STK32B: variants seen among roughly 807,000 people sequenced by gnomAD.
STK32B encodes the protein serine/threonine-protein kinase 32B.
A neutral mutation model predicts 52.6 loss-of-function variants in STK32B; 43 were observed. That is an observed-to-expected ratio of 0.82 (90% CI 0.64 to 1.05). The LOEUF (loss-of-function observed/expected upper bound fraction) is 1.05, where lower values mean the gene tolerates loss of function less well. STK32B is among the 50% of genes least tolerant of loss of function. STK32B has a pLI of 0.00. For missense variants in STK32B, 621 were observed against 534.6 expected, an observed-to-expected ratio of 1.16 and a Z score of -1.59; for synonymous variants, 238 against 204.3, an observed-to-expected ratio of 1.17 and a Z score of -1.41.
At chr4:5,240,340 C>A (rs149242692) in intron 3 of STK32B, among the ~76,000 whole-genome samples, 6 of 152,066 alleles carry the variant, frequency 3.9e-5, no homozygotes, top group African/African-American at 1.4e-4. Flanking sequence ...GGATACAACT[C>A]CTAAGTATTA....
chr4:5,383,724 C>T (rs1236712470), intron 4 of STK32B, among the ~76,000 whole-genome samples: 1 of 152,152 alleles, frequency 6.6e-6, no homozygotes, highest in Non-Finnish European at 1.5e-5. Flanking sequence ...GGTGATGAGG[C>T]ATCAGCAGGG....
chr4:5,342,523 T>G (rs1431762390), intron 4 of STK32B, among the ~76,000 whole-genome samples: 2 of 151,704 alleles, frequency 1.3e-5, no homozygotes, highest in Non-Finnish European at 3.0e-5. Context: ...CCATACACTT[T>G]TAAACAAGCA....
the STK32B span, among the ~76,000 whole-genome samples, chr4:5,039,861 A>G: frequency 3.3e-5 from 5 of 152,218 alleles, no homozygotes; most frequent in Non-Finnish European, 7.4e-5. Context: ...CCAAAATGTC[A>G]TGATGCTGCA....
chr4:5,127,232 A>C (rs1715460581), intron 1 of STK32B: 2 of 453,418 alleles, frequency 4.4e-6, no homozygotes, highest in Non-Finnish European at 8.9e-6. Context: ...CAGAAAATTT[A>C]AATGTCCTCG....
intron 3 of STK32B, among the ~76,000 whole-genome samples, chr4:5,190,076 C>T (rs1721059597): frequency 6.6e-6 from 1 of 152,170 alleles, no homozygotes; most frequent in Non-Finnish European, 1.5e-5. Flanking sequence ...CACCGACCCA[C>T]ACTGAACTGG....
At chr4:5,094,125 G>T (rs1276578788) in intron 1 of STK32B, among the ~76,000 whole-genome samples, 1 of 152,082 alleles carries the variant, frequency 6.6e-6, no homozygotes, top group Non-Finnish European at 1.5e-5. Flanking sequence ...TGTTATATGG[G>T]TGCAGGATTG....
chr4:5,126,218 TC>T (rs1451142271), intron 1 of STK32B, among the ~76,000 whole-genome samples: 1 of 152,230 alleles, frequency 6.6e-6, no homozygotes, highest in African/African-American at 2.4e-5. Context: ...GTTTTAGTTC[TC>T]CTGTAGCTAA....
chr4:5,264,638 A>AT (rs139688575), intron 3 of STK32B, among the ~76,000 whole-genome samples: 25,147 of 151,626 alleles, frequency 0.17, 4,058 homozygotes, highest in African/African-American at 0.42. Context: ...TAAAAAAAAA[A>AT]TAGCCGGGCA....
At chr4:5,288,091 A>C (rs530346411) in intron 3 of STK32B, among the ~76,000 whole-genome samples, 4 of 152,186 alleles carry the variant, frequency 2.6e-5, no homozygotes, top group African/African-American at 9.7e-5. Context: ...CAGTACTTCA[A>C]TTCTTTTATA....
At chr4:5,215,518 T>C (rs866728217) in intron 3 of STK32B, among the ~76,000 whole-genome samples, 1 of 152,184 alleles carries the variant, frequency 6.6e-6, no homozygotes, top group Non-Finnish European at 1.5e-5. Context: ...GTGTCTCCTC[T>C]TTAAGTCTCC....
At position 5,127,535 on chromosome 4, in the gene STK32B, C is replaced by T. The variant is rs190732149; in HGVS notation, c.53-12370C>T. 2.4e-3 allele frequency among the ~76,000 whole-genome samples: 368 copies of T among 152,226 alleles called. 1 individual carries two copies. The highest frequency in any genetic ancestry group is 6.8e-3 in the Middle Eastern group (2 of 294). ...GCAATTCTCTCAAAATTATGCCCGC[C>T]CAGAACCTCAGAATGCGACCATATT... On this transcript the variant is annotated intron_variant, in intron 1 of 11. Coordinates refer to ENST00000282908, the MANE Select transcript of STK32B (RefSeq NM_018401.3).
intron 3 of STK32B, among the ~76,000 whole-genome samples, chr4:5,262,276 A>G (rs1172332244): frequency 6.6e-6 from 1 of 152,116 alleles, no homozygotes; most frequent in Non-Finnish European, 1.5e-5. Context: ...TCCCTTGCTG[A>G]AAAATAACTA....
intron 1 of STK32B, among the ~76,000 whole-genome samples, chr4:5,117,252 T>C (rs956158901): frequency 3.3e-5 from 5 of 152,220 alleles, no homozygotes; most frequent in Admixed American, 6.5e-5. Context: ...CTTTTCATCA[T>C]TGGGTATGAT....
At chr4:5,110,015 A>G (rs1714309887) in intron 1 of STK32B, among the ~76,000 whole-genome samples, 1 of 49,514 alleles carries the variant, frequency 2.0e-5, no homozygotes, top group South Asian at 1.2e-3. Context: ...ATAGCCACAG[A>G]AAAAAAAAAC....
chr4:5,322,974 G>A (rs1476684376), intron 3 of STK32B, among the ~76,000 whole-genome samples: 1 of 152,184 alleles, frequency 6.6e-6, no homozygotes. Flanking sequence ...AACTGACCTA[G>A]TGACCTTGGA....
At chr4:5,021,170 T>C in the STK32B span, among the ~76,000 whole-genome samples, 1 of 152,168 alleles carries the variant, frequency 6.6e-6, no homozygotes, top group Non-Finnish European at 1.5e-5. Context: ...CTGGCCTCCA[T>C]TCCCTGTCTG....
intron 6 of STK32B, among the ~76,000 whole-genome samples, chr4:5,434,432 AT>A (rs1713858012): frequency 6.9e-6 from 1 of 145,708 alleles, no homozygotes; most frequent in Admixed American, 6.9e-5. Context: ...GTGTGCATGT[AT>A]GTGTGTGTGT....
chr4:5,483,882 A>G (rs533201610), intron 11 of STK32B, among the ~76,000 whole-genome samples: 10 of 152,238 alleles, frequency 6.6e-5, no homozygotes, highest in African/African-American at 2.4e-4. Context: ...TTCAGTTTCT[A>G]TGTAGCTGAG....
intron 11 of STK32B, among the ~76,000 whole-genome samples, chr4:5,483,719 A>T (rs536074913): frequency 6.6e-6 from 1 of 151,654 alleles, no homozygotes; most frequent in Middle Eastern, 3.4e-3. Context: ...TCTCTTGTGG[A>T]CATTTAGTGC....
Sources: allele counts gnomAD v4.1 joint callset (sites outside exome capture counted in the v4.1 genomes callset), GRCh38; gene constraint gnomAD v4.1.1; transcripts MANE v1.5; gene names NCBI Gene and HGNC (gene_info 2026-07-23, HGNC 2026-07-21).